Variants in PLXNA4 observed in about 807,000 individuals in gnomAD.
The protein encoded by PLXNA4 is plexin-A4.
A neutral mutation model predicts 191.8 loss-of-function variants in PLXNA4; 44 were observed. That is an observed-to-expected ratio of 0.23 (90% CI 0.18 to 0.29). The LOEUF is 0.29. Among genes scored for constraint, PLXNA4 ranks in the 10% least tolerant of loss-of-function variants. PLXNA4 has a pLI of 1.00. For synonymous variants in PLXNA4, 1,082 were observed against 1,009.5 expected (o/e 1.07, Z -1.36); for missense variants, 1,800 against 2,488.8 (o/e 0.72, Z 5.89).
intron 17 of PLXNA4, 31 bp from the exon 18 acceptor site, chr7:132,181,651 G>A (rs1456638531): frequency 1.2e-6 from 2 of 1,610,504 alleles, no homozygotes; most frequent in African/African-American, 1.3e-5. Flanking sequence ...TGGAGTCTAT[G>A]CAGTATCTCC....
intron 14 of PLXNA4, among the ~76,000 whole-genome samples, chr7:132,188,976 A>G (rs966962884): frequency 0.037 from 2,028 of 54,152 alleles, 132 homozygotes; most frequent in East Asian, 0.26. Context: ...AAGGAAAGGA[A>G]AGGAAAGGAA....
Position 132,451,549 on chromosome 7 carries a change from C to T in PLXNA4, c.1371+37743G>A, listed in dbSNP as rs1280124594. ...CAAAATTTCAGTAAGGGCTTGCCTG[C>T]ACTGATGTCCAGCAAGGAAAGGCTA... On this transcript the variant is annotated intron_variant, in intron 3 of 31. Coordinates refer to ENST00000321063, the MANE Select transcript of PLXNA4 (RefSeq NM_020911.2). Among the ~76,000 whole-genome samples, 3 of 152,228 alleles carry T rather than the reference C, an allele frequency of 2.0e-5. No homozygotes were observed. In the East Asian group the frequency reaches 5.8e-4, roughly 29 times the overall value.
intron 2 of PLXNA4, among the ~76,000 whole-genome samples, chr7:132,499,701 A>C (rs1454116224): frequency 6.6e-6 from 1 of 152,204 alleles, no homozygotes; most frequent in Non-Finnish European, 1.5e-5. Flanking sequence ...GGGGTAGGTC[A>C]TTCCCTCATT....
chr7:132,155,260 C>G (rs1795758192), intron 25 of PLXNA4, among the ~76,000 whole-genome samples: 4 of 152,110 alleles, frequency 2.6e-5, no homozygotes, highest in Admixed American at 2.6e-4. Context: ...GGAGTTCTCT[C>G]CACCTCCCTG....
intron 3 of PLXNA4, among the ~76,000 whole-genome samples, chr7:132,364,803 T>C (rs555452270): frequency 6.6e-6 from 1 of 152,348 alleles, no homozygotes; most frequent in South Asian, 2.1e-4. Context: ...GTTTGACTCC[T>C]AGGGCTGATA....
At chr7:132,600,822 C>T (rs966574046) in intron 2 of PLXNA4, among the ~76,000 whole-genome samples, 1 of 151,964 alleles carries the variant, frequency 6.6e-6, no homozygotes, top group South Asian at 2.1e-4. Flanking sequence ...TTATTTGTAT[C>T]TTCTCTCTTT....
intron 4 of PLXNA4, among the ~76,000 whole-genome samples, chr7:132,295,864 T>C (rs1180088261): frequency 6.6e-6 from 1 of 152,254 alleles, no homozygotes; most frequent in African/African-American, 2.4e-5. Flanking sequence ...AAGCTTATTA[T>C]ATGCCTATCT....
chr7:132,187,123 C>A (rs1483373173), intron 15 of PLXNA4, among the ~76,000 whole-genome samples: 1 of 152,072 alleles, frequency 6.6e-6, no homozygotes, highest in African/African-American at 2.4e-5. Context: ...CCTATTTCAA[C>A]TTTATACAAT....
upstream of PLXNA4, among the ~76,000 whole-genome samples, chr7:132,582,136 G>A (rs1001438086): frequency 1.3e-5 from 2 of 152,190 alleles, no homozygotes; most frequent in Non-Finnish European, 2.9e-5. Flanking sequence ...GCATTACAAG[G>A]ACTGGATACA....
intron 2 of PLXNA4, among the ~76,000 whole-genome samples, chr7:132,623,669 C>T (rs549073425): frequency 4.6e-5 from 7 of 152,242 alleles, no homozygotes; most frequent in African/African-American, 9.6e-5. Context: ...TTTGCTCTAC[C>T]CCATACCCAT....
chr7:132,380,700 A>G (rs1804859003), intron 3 of PLXNA4, among the ~76,000 whole-genome samples: 1 of 152,206 alleles, frequency 6.6e-6, no homozygotes, highest in Admixed American at 6.5e-5. Flanking sequence ...TGTGCATGGC[A>G]AAGTCAAAAC....
chr7:132,567,352 G>C lies in PLXNA4; in HGVS notation c.-87+9070C>G, dbSNP rs1801783264. ...AAACCCATAGTGAGTTTTACACAGA[G>C]AGAAATAATTTAATTCCATGTGCAT... On this transcript the variant is annotated intron_variant, in intron 1 of 31. Transcript: ENST00000321063. Among the ~76,000 whole-genome samples the C allele has an allele frequency of 2.4e-5, 3 of 125,882 alleles. No homozygotes were observed. In the Admixed American group the frequency reaches 3.2e-4, roughly 14 times the overall value. 82.6% of individuals were successfully genotyped at this position (125,882 alleles called of 152,430 possible).
chr7:132,324,418 T>C (rs1471084237), intron 3 of PLXNA4, among the ~76,000 whole-genome samples: 4 of 152,254 alleles, frequency 2.6e-5, no homozygotes, highest in Non-Finnish European at 1.5e-5. Flanking sequence ...TGGTTGTTAA[T>C]AATGCTACAA....
chr7:132,294,917 A>G (rs1426281894), intron 4 of PLXNA4, among the ~76,000 whole-genome samples: 1 of 152,136 alleles, frequency 6.6e-6, no homozygotes, highest in African/African-American at 2.4e-5. Flanking sequence ...GCCTCAGAAA[A>G]AACCAGCCCT....
intron 2 of PLXNA4, among the ~76,000 whole-genome samples, chr7:132,624,558 A>G (rs1585412836): frequency 1.3e-5 from 2 of 152,304 alleles, no homozygotes; most frequent in Admixed American, 1.3e-4. Context: ...CTAGAAACCA[A>G]TTCAAAGCCC....
intron 14 of PLXNA4, among the ~76,000 whole-genome samples, chr7:132,187,955 T>A (rs1161815597): frequency 6.6e-6 from 1 of 152,072 alleles, no homozygotes; most frequent in Non-Finnish European, 1.5e-5. Flanking sequence ...AAAGTAGGCA[T>A]TATTATTTTA....
chr7:132,540,866 C>T (rs571232177), intron 1 of PLXNA4, among the ~76,000 whole-genome samples: 3 of 152,088 alleles, frequency 2.0e-5, no homozygotes, highest in East Asian at 1.9e-4. Flanking sequence ...GGATTACAGG[C>T]GTGAGCCACC....
rs77573667 is a variant in PLXNA4 at position 132,523,347 on chromosome 7, G to A, written c.-86-14568C>T. Among the ~76,000 whole-genome samples the A allele has an allele frequency of 6.7e-3, 1,019 of 152,338 alleles. 13 individuals carry two copies. Among genetic ancestry groups the A allele is most frequent in the African/African-American group, 0.023 (969 of 41,586 alleles). The stretch of plus-strand genomic sequence containing the variant: ...GAATAGCCATGGTTTGTATCTCTGA[G>A]GTGACACTTGCAGGGGGACTGAATG... On this transcript the variant is annotated intron_variant, in intron 1 of 31. Transcript: ENST00000321063.
chr7:132,500,604 G>GA (rs756009512), intron 2 of PLXNA4, among the ~76,000 whole-genome samples: 71 of 151,524 alleles, frequency 4.7e-4, no homozygotes, highest in African/African-American at 1.3e-3. Context: ...TATTGGTGAA[G>GA]GAAAAAAAAT....
Sources: gnomAD v4.1 joint callset for allele counts (sites outside exome capture counted in the v4.1 genomes callset) on GRCh38, gnomAD v4.1.1 for gene constraint, MANE v1.5 for transcripts, NCBI Gene and HGNC (gene_info 2026-07-23, HGNC 2026-07-21) for gene names.